The following SOD2 variants were observed in gnomAD, a reference collection of about 807,000 sequenced individuals.
SOD2 encodes superoxide dismutase 2, also known as superoxide dismutase [Mn], mitochondrial.
A neutral mutation model predicts 27.0 loss-of-function variants in SOD2; 11 were observed. The ratio of observed to expected loss-of-function variants is 0.41; its 90% CI spans 0.26 to 0.67. The LOEUF is 0.67. Among genes scored for constraint, SOD2 ranks in the 30% least tolerant of loss-of-function variants. SOD2 has a pLI of 0.34. For synonymous variants in SOD2, 105 were observed against 103.0 expected, an observed-to-expected ratio of 1.02 and a Z score of -0.12; for missense variants, 250 against 274.5, an observed-to-expected ratio of 0.91 and a Z score of 0.63.
chr6:159,727,150 C>A, exon 1 of SOD2: 1 of 1,195,420 alleles, frequency 8.4e-7, no homozygotes, highest in Non-Finnish European at 1.1e-6. Context: ...AGCTCCGGGG[C>A]CCGCGGAGCT....
At chr6:159,736,335 GT>G in intron 1 of SOD2, 5 of 1,502,006 alleles carry the variant, frequency 3.3e-6, no homozygotes, top group Non-Finnish European at 4.6e-6. Flanking sequence ...TTTGTTTTGG[GT>G]TTTTTGGGGG....
At chr6:159,715,570 C>G (rs1004892000) in intron 1 of SOD2, among the ~76,000 whole-genome samples, 2 of 152,112 alleles carry the variant, frequency 1.3e-5, no homozygotes, top group African/African-American at 4.8e-5. Context: ...ACACTATTAG[C>G]AAGCAACAGA....
intron 1 of SOD2, among the ~76,000 whole-genome samples, chr6:159,733,180 GAAT>G (rs1778693963): frequency 2.1e-5 from 1 of 47,258 alleles, no homozygotes; most frequent in Admixed American, 3.4e-4. Flanking sequence ...AAGAAAAAAA[GAAT>G]AATATACATT....
chr6:159,716,607 T>C (rs764414123), intron 1 of SOD2, among the ~76,000 whole-genome samples: 7 of 152,134 alleles, frequency 4.6e-5, no homozygotes, highest in Admixed American at 1.3e-4. Context: ...GTAAAGACCA[T>C]GACAGCCATG....
chr6:159,696,844 C>T (rs549188842), upstream of SOD2, among the ~76,000 whole-genome samples: 64 of 152,148 alleles, frequency 4.2e-4, no homozygotes, highest in African/African-American at 1.5e-3. Flanking sequence ...GAGTTTGAGA[C>T]CAGCTTAGGC....
chr6:159,741,625 T>C (rs1779260219), intron 1 of SOD2: 1 of 155,094 alleles, frequency 6.4e-6, no homozygotes, highest in Non-Finnish European at 1.4e-5. Context: ...AAACCTTCTC[T>C]ATATATCTCT....
intron 1 of SOD2, chr6:159,739,109 G>T: frequency 7.7e-7 from 1 of 1,295,426 alleles, no homozygotes; most frequent in Non-Finnish European, 1.1e-6. Context: ...ACTCTACACT[G>T]TAATTGTCTT....
chr6:159,708,869 T>C (rs1777676566), intron 1 of SOD2, among the ~76,000 whole-genome samples: 1 of 148,904 alleles, frequency 6.7e-6, no homozygotes. Context: ...CAAACTATAC[T>C]ACAAGACTAC....
chr6:159,686,030 C>G (rs1412194433), intron 3 of SOD2, among the ~76,000 whole-genome samples: 2 of 152,178 alleles, frequency 1.3e-5, no homozygotes, highest in Non-Finnish European at 1.5e-5. Context: ...CAGCCCAGCT[C>G]TTCCTGTCTT....
chr6:159,760,143 T>A (rs186822609), intron 1 of SOD2: 1 of 152,286 alleles, frequency 6.6e-6, no homozygotes. Context: ...GAAGAAGTGA[T>A]GTTTAGGGGG....
chr6:159,687,511 T>C (rs568889595), intron 3 of SOD2, among the ~76,000 whole-genome samples: 1 of 151,840 alleles, frequency 6.6e-6, no homozygotes, highest in Admixed American at 6.6e-5. Context: ...AAATGAAGTC[T>C]CTCAGTCTTT....
chr6:159,682,436 A>C lies in SOD2; in HGVS notation c.*57T>G, dbSNP rs1354040135. 16 of 1,541,750 alleles carry C rather than the reference A, an allele frequency of 1.0e-5. No homozygotes were observed. The highest frequency in any genetic ancestry group is 1.4e-5 in the Non-Finnish European group (16 of 1,130,218). On this transcript the variant is annotated 3_prime_UTR_variant, in exon 5 of 5. Transcript: ENST00000538183. ...AGCTTACTGTATTCTGCAGTACTCT[A>C]TACCACTACAAAAACAGTCATAAAG... is the stretch of plus-strand genomic sequence containing the variant.
At chr6:159,688,634 A>G (rs1739543660) in intron 2 of SOD2, among the ~76,000 whole-genome samples, 1 of 152,200 alleles carries the variant, frequency 6.6e-6, no homozygotes, top group Non-Finnish European at 1.5e-5. Flanking sequence ...TCATTGGGAA[A>G]TATCTCCAAG....
chr6:159,710,232 C>T (rs1325273311), intron 1 of SOD2, among the ~76,000 whole-genome samples: 3 of 149,778 alleles, frequency 2.0e-5, no homozygotes, highest in Admixed American at 6.7e-5. Flanking sequence ...CCTGCACGTT[C>T]GTTGTGCACA....
Position 159,738,962 on chromosome 6 carries a change from T to A in SOD2, c.-116+6168A>T, listed in dbSNP as rs748172665. The A allele has an allele frequency of 5.7e-6, 9 of 1,577,758 alleles. No individual in the cohort carries two copies. In the South Asian group the frequency reaches 7.8e-5, roughly 14 times the overall value. ...AACTTTGTGTCTTCAGGAAGAACAC[T>A]AAATTCATATTGTAATTCTCTTTAT... On this transcript the variant is annotated intron_variant, in intron 1 of 3. Transcript: ENST00000537657.
chr6:159,736,284 C>G (rs761146958), intron 1 of SOD2: 1 of 1,604,196 alleles, frequency 6.2e-7, no homozygotes, highest in African/African-American at 1.3e-5. Context: ...CGAAGAACCT[C>G]TTCCCAAGAA....
chr6:159,694,874 G>A (rs933465519), upstream of SOD2, among the ~76,000 whole-genome samples: 15 of 152,054 alleles, frequency 9.9e-5, no homozygotes, highest in Non-Finnish European at 2.2e-4. Flanking sequence ...AAAGTGCTGG[G>A]ATTACAGGTA....
chr6:159,755,442 C>G (rs1242173955), intron 1 of SOD2: 1 of 1,614,002 alleles, frequency 6.2e-7, no homozygotes, highest in Non-Finnish European at 8.5e-7. Flanking sequence ...AGTGTAGACT[C>G]TCCCACGGGC....
intron 1 of SOD2, among the ~76,000 whole-genome samples, chr6:159,721,841 A>G (rs1778048472): frequency 1.3e-5 from 2 of 152,042 alleles, no homozygotes; most frequent in South Asian, 2.1e-4. Flanking sequence ...TTCTTTTACA[A>G]TTAGGTAAGT....
Sources: gnomAD v4.1 joint callset for allele counts (sites outside exome capture counted in the v4.1 genomes callset) on GRCh38, gnomAD v4.1.1 for gene constraint, MANE v1.5 for transcripts, NCBI Gene and HGNC (gene_info 2026-07-23, HGNC 2026-07-21) for gene names.